PATL1: variants seen among roughly 807,000 people sequenced by gnomAD.
PATL1 encodes protein PAT1 homolog 1.
Under a neutral mutation model 100.6 loss-of-function variants are expected in PATL1, and 32 were observed. The ratio of observed to expected loss-of-function variants is 0.32; its 90% CI spans 0.24 to 0.43. The LOEUF is 0.43. PATL1 is among the 20% of genes least tolerant of loss of function. The probability of loss-of-function intolerance (pLI) is 1.00; values close to 1 mark genes in which losing one functional copy is unlikely to be tolerated. For missense variants in PATL1, 747 were observed against 949.9 expected, an observed-to-expected ratio of 0.79 and a Z score of 2.81; for synonymous variants, 332 against 330.0, an observed-to-expected ratio of 1.01 and a Z score of -0.07.
intron 1 of PATL1, 60 bp downstream of exon 1, chr11:59,668,821 A>AGAGTGAGGGAGAGGGGCGCGG: frequency 1.2e-6 from 1 of 827,284 alleles, no homozygotes; most frequent in Non-Finnish European, 1.8e-6. Flanking sequence ...GCGCGGAGAG[A>AGAGTGAGGGAGAGGGGCGCGG]GAGTGAGGGA....
rs750390194 is a variant in PATL1, at chr11:59,656,052, TAAAAA to T, written c.724-12_724-8del. The T allele has an allele frequency of 4.4e-3, 3,367 of 761,706 alleles. No homozygotes were observed. The highest frequency in any genetic ancestry group is 6.6e-3 in the South Asian group (204 of 30,938). 47.2% of individuals were successfully genotyped at this position (761,706 alleles called of 1,614,324 possible). On this transcript the variant is annotated splice_polypyrimidine_tract_variant and splice_region_variant and intron_variant, in intron 6 of 18. Transcript: ENST00000300146. Reference sequence around the variant, plus strand: ...GACCCAGGAGGGAAGAGTTCTAAGGTAAAAAAAAAAAAAAAAAAAAGAATATGCTA... The same window carrying T: ...GACCCAGGAGGGAAGAGTTCTAAGGTAAAAAAAAAAAAAAAGAATATGCTA...
At chr11:59,659,037 C>G in intron 3 of PATL1, 91 bp from the exon 4 acceptor site, 1 of 1,208,382 alleles carries the variant, frequency 8.3e-7, no homozygotes, top group South Asian at 1.4e-5. Context: ...CCAAAAGAGC[C>G]TCAAGCTGCT....
chr11:59,651,895 T>C (rs1160325040), intron 11 of PATL1, among the ~76,000 whole-genome samples: 1 of 150,782 alleles, frequency 6.6e-6, no homozygotes, highest in Non-Finnish European at 1.5e-5. Flanking sequence ...CGAAACCCCG[T>C]CTCTACTAAA....
Position 59,656,024 on chromosome 11 carries a change from GGT to G in PATL1, c.743_744del (p.His248ProfsTer5). The G allele has an allele frequency of 6.5e-7, 1 of 1,550,162 alleles. No homozygotes were observed. On this transcript the variant is annotated frameshift_variant, in exon 7 of 19. Coordinates refer to ENST00000300146, the MANE Select transcript of PATL1 (RefSeq NM_152716.3). LOFTEE classifies it high-confidence loss of function. ...CSVPNSSLLG[H>X]PFPPSVPPVL... ...ACAGGAGGAACACTAGGAGGAAAAG[GGT>G]GACCCAGGAGGGAAGAGTTCTAAGG... is the stretch of plus-strand genomic sequence containing the variant.
chr11:59,659,473 T>G lies in PATL1; in HGVS notation c.128-4A>C. 1 of 1,546,730 alleles carries G rather than the reference T, an allele frequency of 6.5e-7. No individual in the cohort carries two copies. Among genetic ancestry groups the G allele is most frequent in the Non-Finnish European group, 8.7e-7 (1 of 1,145,142 alleles). ...TGTGCTTCCTGCCAATCATCATCTA[T>G]AAGATGACACAGTTCATGTAAGAAA... is the stretch of plus-strand genomic sequence containing the variant. On this transcript the variant is annotated splice_polypyrimidine_tract_variant and splice_region_variant and intron_variant, in intron 2 of 18. Coordinates refer to ENST00000300146, the MANE Select transcript of PATL1 (RefSeq NM_152716.3).
chr11:59,663,635 T>G (rs1861653933), intron 2 of PATL1, among the ~76,000 whole-genome samples: 1 of 152,206 alleles, frequency 6.6e-6, no homozygotes, highest in South Asian at 2.1e-4. Flanking sequence ...AGCACCATGT[T>G]AAGTGTAAGC....
In PATL1 at chr11:59,651,607, A is replaced by C; in HGVS notation, c.1461T>G (p.Val487=). 1 of 1,612,950 alleles carries C rather than the reference A, an allele frequency of 6.2e-7. No individual in the cohort carries two copies. Residue 487 remains valine, a synonymous_variant, in exon 12 of 19, where the codon GTT becomes GTG. Coordinates refer to ENST00000300146, the MANE Select transcript of PATL1 (RefSeq NM_152716.3). The part of the protein sequence containing the change: ...QFEGSLGKLT[V]SSVNNPRKMI... The stretch of plus-strand genomic sequence containing the variant: ...TTTTTCGGGGATTATTCACACTAGA[A>C]ACGGTAAGCTTTCCCAAAGAGCCCT...
rs945695833 is a variant in PATL1, at chr11:59,650,772, G to A, written c.1566C>T (p.Thr522=). 3 of 1,555,358 alleles carry A rather than the reference G, an allele frequency of 1.9e-6. No homozygotes were observed. The highest frequency in any genetic ancestry group is 2.7e-5 in the African/African-American group (2 of 73,714). Residue 522 remains threonine, a synonymous_variant, in exon 13 of 19, where the codon ACC becomes ACT. Transcript: ENST00000300146. ...AACTTACTTTCTCAATTATAACAAG[G>A]GTTTTTCTCCTCTTGTCTCGAACTT... ...EKQVRDKRRK[T]LVIIEKTYSL... is the part of the protein sequence containing the mutation.
chr11:59,656,737 G>A lies in PATL1; in HGVS notation c.622-137C>T, dbSNP rs1384669442. 5.5e-6 allele frequency: 4 copies of A among 723,722 alleles called. No individual in the cohort carries two copies. The African/African-American group carries it at 7.1e-5, about 13-fold the overall frequency. 44.8% of individuals were successfully genotyped at this position (723,722 alleles called of 1,614,324 possible). ...TTCTAAGCAAATTGCTATGGCTACA[G>A]GTTCAAATACAGAACCTTGGGCCAC... On this transcript the variant is annotated intron_variant, in intron 5 of 18. Transcript: ENST00000300146.
At chr11:59,647,963 C>G (rs1861386711) in intron 14 of PATL1, 50 bp from the exon 15 acceptor site, 1 of 1,530,668 alleles carries the variant, frequency 6.5e-7, no homozygotes, top group Non-Finnish European at 8.8e-7. Context: ...AATTAAGAAA[C>G]CCTCATTTTT....
Position 59,637,754 on chromosome 11 carries a change from A to G in PATL1, c.*636T>C, listed in dbSNP as rs1287790507. On this transcript the variant is annotated 3_prime_UTR_variant, in exon 19 of 19. Coordinates refer to ENST00000300146, the MANE Select transcript of PATL1 (RefSeq NM_152716.3). ...CTGCATACTCTTTATTTATGTTAAA[A>G]CAAGTAGAACCCACCAAATTAATTA... The G allele has an allele frequency of 6.6e-6, 1 of 152,426 alleles. No individual in the cohort carries two copies. The highest frequency in any genetic ancestry group is 2.4e-5 in the African/African-American group (1 of 41,460). The allele number at this position is 152,426 out of a possible 1,614,324, so 9.4% of individuals were successfully genotyped here.
At chr11:59,661,378 C>A (rs11230037) in intron 2 of PATL1, among the ~76,000 whole-genome samples, 26,009 of 152,188 alleles carry the variant, frequency 0.17, 4,076 homozygotes, top group African/African-American at 0.41. Flanking sequence ...GAGCCACTGC[C>A]TCTGGCCTTT....
rs1861240889 is a variant in PATL1 at position 59,639,308 on chromosome 11, T to C, written c.2125A>G (p.Thr709Ala). The C allele has an allele frequency of 6.4e-7, 1 of 1,552,422 alleles. No individual in the cohort carries two copies. ...CACACTGACCACTGATTATTTTGTGTTGATTCTGTAGCAGGGTCTGAACTC... is the reference window on the plus strand; with the variant it reads ...CACACTGACCACTGATTATTTTGTGCTGATTCTGTAGCAGGGTCTGAACTC... ...LQSSDPATES[T>A]QNNQWTEVMF... The change falls in exon 17 of 19, where the codon ACA becomes GCA. Residue 709 changes from threonine (T) to alanine (A), a missense_variant. Coordinates refer to ENST00000300146, the MANE Select transcript of PATL1 (RefSeq NM_152716.3).
At chr11:59,650,127 GAAAAAAA>G (rs755879524) in intron 13 of PATL1, among the ~76,000 whole-genome samples, 6,686 of 61,702 alleles carry the variant, frequency 0.11, 216 homozygotes, top group Non-Finnish European at 0.15. Context: ...ATCTCAAAAG[GAAAAAAA>G]AAAAAAAAAA....
rs144832459 is a variant in PATL1, at chr11:59,644,138, A to G, written c.1894-1103T>C. On this transcript the variant is annotated intron_variant, in intron 15 of 18. Transcript: ENST00000300146. ...TTAGAACATACATGAAAATACAAACAACAGCATAATGACATTCATGTACTC... is the reference window on the plus strand; with the variant it reads ...TTAGAACATACATGAAAATACAAACGACAGCATAATGACATTCATGTACTC... Among the ~76,000 whole-genome samples the G allele has an allele frequency of 3.4e-3, 515 of 152,280 alleles. 2 individuals are homozygous for G. The highest frequency in any genetic ancestry group is 4.4e-3 in the Non-Finnish European group (301 of 67,984).
chr11:59,656,723 T>C (rs1331672002), intron 5 of PATL1, 123 bp from the exon 6 acceptor site: 24 of 786,848 alleles, frequency 3.1e-5, no homozygotes, highest in East Asian at 2.8e-4. Context: ...TCTAAGCAAA[T>C]TGCTATGGCT....
At chr11:59,638,835 C>T (rs892345803) in intron 18 of PATL1, among the ~76,000 whole-genome samples, 12 of 152,072 alleles carry the variant, frequency 7.9e-5, no homozygotes, top group South Asian at 2.1e-4. Flanking sequence ...CATGCACCAC[C>T]GCACTTGGCT....
chr11:59,648,411 C>G (rs1490516372), intron 14 of PATL1, among the ~76,000 whole-genome samples: 1 of 151,056 alleles, frequency 6.6e-6, no homozygotes, highest in African/African-American at 2.4e-5. Context: ...TCTCTGAACT[C>G]TTGACCTCAA....
chr11:59,659,600 C>A (rs1281645727), intron 2 of PATL1, 131 bp from the exon 3 acceptor site: 2 of 782,808 alleles, frequency 2.6e-6, no homozygotes, highest in Non-Finnish European at 4.0e-6. Flanking sequence ...GGCGTGATCT[C>A]GGCTCACCGC....
Sources: gnomAD v4.1 joint callset for allele counts (sites outside exome capture counted in the v4.1 genomes callset) on GRCh38, gnomAD v4.1.1 for gene constraint, MANE v1.5 for transcripts, NCBI Gene and HGNC (gene_info 2026-07-23, HGNC 2026-07-21) for gene names.